NOMO1: variants seen among roughly 807,000 people sequenced by gnomAD.
NOMO1 encodes the protein nodal modulator 3.
NOMO1 carries 40 observed loss-of-function variants against 133.8 expected under a neutral mutation model. The observed-to-expected ratio is 0.30, with a 90% CI of 0.23 to 0.39. NOMO1 has a LOEUF of 0.39. NOMO1 is among the 10% of genes least tolerant of loss of function. NOMO1 has a pLI of 1.00. For synonymous variants in NOMO1, 236 were observed against 570.5 expected, an observed-to-expected ratio of 0.41 and a Z score of 8.36; for missense variants, 462 against 1,419.9, an observed-to-expected ratio of 0.33 and a Z score of 10.84.
At chr16:14,836,415 T>A (rs1465902982) in intron 1 of NOMO1, among the ~76,000 whole-genome samples, 7 of 152,090 alleles carry the variant, frequency 4.6e-5, no homozygotes, top group African/African-American at 9.7e-5. Flanking sequence ...TTTGTACATC[T>A]TCTTAGCTGG....
At chr16:14,868,867 T>C (rs921030645) in intron 16 of NOMO1, among the ~76,000 whole-genome samples, 2 of 151,406 alleles carry the variant, frequency 1.3e-5, no homozygotes, top group African/African-American at 4.9e-5. Context: ...TTTATAGAGC[T>C]GTTTTAAAAT....
intron 15 of NOMO1, among the ~76,000 whole-genome samples, chr16:14,867,165 TATATATA>T (rs1311239527): frequency 8.1e-4 from 19 of 23,552 alleles, no homozygotes; most frequent in African/African-American, 2.0e-3. Context: ...TATATATATA[TATATATA>T]TATATTTTTT....
At chr16:14,836,725 G>T (rs1482951502) in intron 1 of NOMO1, among the ~76,000 whole-genome samples, 2 of 138,120 alleles carry the variant, frequency 1.4e-5, no homozygotes, top group East Asian at 4.2e-4. Flanking sequence ...TTGAGACGGA[G>T]TCTCGCTCTG....
intron 2 of NOMO1, among the ~76,000 whole-genome samples, chr16:14,839,988 G>C (rs1326896184): frequency 7.1e-6 from 1 of 141,274 alleles, no homozygotes; most frequent in Non-Finnish European, 1.5e-5. Flanking sequence ...CAGGTGATCC[G>C]CCCACCTCAG....
intron 12 of NOMO1, among the ~76,000 whole-genome samples, 168 bp from the exon 13 acceptor site, chr16:14,864,417 C>T (rs930511735): frequency 3.3e-5 from 5 of 152,022 alleles, no homozygotes; most frequent in African/African-American, 1.2e-4. Flanking sequence ...GCTTACTTCA[C>T]ACAAGTTATT....
intron 11 of NOMO1, among the ~76,000 whole-genome samples, chr16:14,860,681 G>A (rs1052904655): frequency 2.6e-5 from 4 of 151,920 alleles, no homozygotes; most frequent in Non-Finnish European, 5.9e-5. Context: ...TGGAGGCGGC[G>A]CTGTTCACGG....
At chr16:14,887,169 G>A (rs2151011447) in intron 28 of NOMO1, among the ~76,000 whole-genome samples, 1 of 152,230 alleles carries the variant, frequency 6.6e-6, no homozygotes, top group South Asian at 2.1e-4. Context: ...GTGTGCGCAT[G>A]CATGTATAAA....
chr16:14,883,377 C>T (rs1167513297), intron 26 of NOMO1, among the ~76,000 whole-genome samples: 5 of 150,364 alleles, frequency 3.3e-5, no homozygotes, highest in African/African-American at 4.9e-5. Flanking sequence ...CACCCTGTCA[C>T]GCAGGATGGA....
rs375452231 is a variant in NOMO1 at position 14,875,022 on chromosome 16, C to T, written c.2055-14C>T. 1.2e-5 allele frequency: 19 copies of T among 1,613,572 alleles called. No individual in the cohort carries two copies. Among genetic ancestry groups the T allele is most frequent in the Admixed American group, 1.2e-4 (7 of 59,982 alleles). On this transcript the variant is annotated splice_polypyrimidine_tract_variant and intron_variant, in intron 18 of 30. Coordinates refer to ENST00000287667, the MANE Select transcript of NOMO1 (RefSeq NM_014287.4). ...GGATACGCAACTATGTCCTAGGGGCCGTCTTTCTTCTAGGTCTTCCATCGA... is the reference window on the plus strand; with the variant it reads ...GGATACGCAACTATGTCCTAGGGGCTGTCTTTCTTCTAGGTCTTCCATCGA...
chr16:14,878,547 T>TA (rs1451957437), intron 22 of NOMO1, among the ~76,000 whole-genome samples, 174 bp from the exon 23 acceptor site: 2 of 143,714 alleles, frequency 1.4e-5, no homozygotes, highest in Non-Finnish European at 1.5e-5. Flanking sequence ...ACACCAAACT[T>TA]ACAAAACTTA....
chr16:14,860,367 CAAA>C, intron 11 of NOMO1, among the ~76,000 whole-genome samples: 1 of 79,404 alleles, frequency 1.3e-5, no homozygotes, highest in African/African-American at 4.8e-5. Flanking sequence ...GATTCCGTCT[CAAA>C]AAAAAAAAAA....
Position 14,878,777 on chromosome 16 carries a change from C to T in NOMO1, c.2700C>T (p.Gly900=), listed in dbSNP as rs1377268383. ...GAGTCCTCTTATCCCTGAGCGGTGG[C>T]CTGTTTCGTTCCAACCTCTTGACCC... is the stretch of plus-strand genomic sequence containing the variant. The part of the protein sequence containing the change: ...LPGVLLSLSG[G]LFRSNLLTQD... The change falls in exon 23 of 31, where the codon GGC becomes GGT. Residue 900 remains glycine (G), a synonymous_variant. Coordinates refer to ENST00000287667, the MANE Select transcript of NOMO1 (RefSeq NM_014287.4). 4.3e-6 allele frequency: 7 copies of T among 1,611,854 alleles called. No homozygotes were observed. Among genetic ancestry groups the T allele is most frequent in the Non-Finnish European group, 3.4e-6 (4 of 1,179,836 alleles).
At chr16:14,839,094 G>A (rs1440160801) in intron 2 of NOMO1, among the ~76,000 whole-genome samples, 6 of 149,798 alleles carry the variant, frequency 4.0e-5, no homozygotes, top group Non-Finnish European at 5.9e-5. Flanking sequence ...TCGCTCTGTC[G>A]CCCAGGCTGG....
At chr16:14,857,391 G>A in intron 10 of NOMO1, 69 bp downstream of exon 10, 1 of 1,459,632 alleles carries the variant, frequency 6.9e-7, no homozygotes, top group Admixed American at 2.0e-5. Flanking sequence ...AAATGGAGAG[G>A]AACTGATGAC....
intron 23 of NOMO1, among the ~76,000 whole-genome samples, chr16:14,879,070 G>A (rs1410946164): frequency 6.6e-6 from 1 of 151,854 alleles, no homozygotes; most frequent in Non-Finnish European, 1.5e-5. Context: ...TTGTCACTAA[G>A]ACAGTGTAAT....
In NOMO1 at chr16:14,894,885, G is replaced by C. The variant is rs1225106312; in HGVS notation, c.3445-113G>C. 1.2e-5 allele frequency: 9 copies of C among 736,734 alleles called. No homozygotes were observed. In the African/African-American group the frequency reaches 1.2e-4, roughly 10 times the overall value. The allele number at this position is 736,734 out of a possible 1,614,324, so 45.6% of individuals were successfully genotyped here. A position where few individuals can be genotyped will look rare whatever the true frequency, so the allele number is the denominator to read the frequency against. On this transcript the variant is annotated intron_variant, in intron 29 of 30. Transcript: ENST00000287667. ...GGAATTTGGATCATGAGGGCCCCTGGGTGTCCTCAAGTGGCCACTTTGGAA... is the reference window on the plus strand; with the variant it reads ...GGAATTTGGATCATGAGGGCCCCTGCGTGTCCTCAAGTGGCCACTTTGGAA...
At position 14,882,756 on chromosome 16, in the gene NOMO1, C is replaced by T. The variant is rs1964263263; in HGVS notation, c.3111+79C>T. 8.7e-6 allele frequency: 14 copies of T among 1,609,274 alleles called. No individual in the cohort carries two copies. In the East Asian group the frequency reaches 2.9e-4, roughly 33 times the overall value. ...AAGTCCTCCCGTCTCCTCTGGCTGTCTGCCTTTCATCTGTGGCGGGGGGAA... is the reference window on the plus strand; with the variant it reads ...AAGTCCTCCCGTCTCCTCTGGCTGTTTGCCTTTCATCTGTGGCGGGGGGAA... On this transcript the variant is annotated intron_variant, in intron 26 of 30. Coordinates refer to ENST00000287667, the MANE Select transcript of NOMO1 (RefSeq NM_014287.4).
chr16:14,887,082 GAAGACAT>G (rs1366268361), intron 28 of NOMO1, among the ~76,000 whole-genome samples: 3 of 152,074 alleles, frequency 2.0e-5, no homozygotes, highest in African/African-American at 2.4e-5. Context: ...TTGGGAAAAA[GAAGACAT>G]AAGCCCATCA....
At chr16:14,860,283 G>A (rs1422186608) in intron 11 of NOMO1, among the ~76,000 whole-genome samples, 4 of 151,386 alleles carry the variant, frequency 2.6e-5, no homozygotes, top group South Asian at 2.1e-4. Context: ...CAGGAGAATC[G>A]CTTGAACCCG....
Sources: allele counts gnomAD v4.1 joint callset (sites outside exome capture counted in the v4.1 genomes callset), GRCh38; gene constraint gnomAD v4.1.1; transcripts MANE v1.5; gene names NCBI Gene and HGNC (gene_info 2026-07-23, HGNC 2026-07-21).